ARHGEF38: variants seen among roughly 807,000 people sequenced by gnomAD.
ARHGEF38 encodes the protein Rho guanine nucleotide exchange factor 38.
A neutral mutation model predicts 79.9 loss-of-function variants in ARHGEF38; 79 were observed. The ratio of observed to expected loss-of-function variants is 0.99; its 90% CI spans 0.82 to 1.19. The LOEUF (loss-of-function observed/expected upper bound fraction) is 1.19. Ranked by LOEUF, ARHGEF38 falls within the 50% of genes most tolerant of loss-of-function variation. The probability of loss-of-function intolerance (pLI) is 0.00; values close to 1 mark genes in which losing one functional copy is unlikely to be tolerated. For synonymous variants in ARHGEF38, 366 were observed against 328.3 expected (o/e 1.11, Z -1.24); for missense variants, 962 against 907.2 (o/e 1.06, Z -0.78).
At chr4:105,584,649 C>T (rs1261104751) in intron 1 of ARHGEF38, among the ~76,000 whole-genome samples, 1 of 152,142 alleles carries the variant, frequency 6.6e-6, no homozygotes, top group Non-Finnish European at 1.5e-5. Context: ...CTATGTCTAT[C>T]TATCTATAGC....
chr4:105,561,479 A>AGAATAGAATGGAATG (rs1560684623), intron 1 of ARHGEF38: 28 of 53,372 alleles, frequency 5.2e-4, no homozygotes, highest in African/African-American at 2.0e-3. Context: ...AGAATAGAAT[A>AGAATAGAATGGAATG]GAATAGAATA....
chr4:105,636,996 T>C (rs764932348), intron 5 of ARHGEF38, among the ~76,000 whole-genome samples: 1 of 152,110 alleles, frequency 6.6e-6, no homozygotes, highest in African/African-American at 2.4e-5. Flanking sequence ...AAGAGGTCCA[T>C]TATTCTAGAA....
chr4:105,639,670 T>G (rs1314245992), intron 5 of ARHGEF38, among the ~76,000 whole-genome samples: 1 of 152,078 alleles, frequency 6.6e-6, no homozygotes, highest in African/African-American at 2.4e-5. Flanking sequence ...AAATTTACCA[T>G]GTACTCTATT....
At chr4:105,613,533 T>C in intron 3 of ARHGEF38, 26 bp downstream of exon 3, 1 of 1,608,684 alleles carries the variant, frequency 6.2e-7, no homozygotes, top group Non-Finnish European at 8.5e-7. Context: ...TCTCGAGTTC[T>C]ACAATACAAC....
chr4:105,641,458 A>C (rs1729612408), intron 5 of ARHGEF38, among the ~76,000 whole-genome samples: 1 of 151,934 alleles, frequency 6.6e-6, no homozygotes, highest in Non-Finnish European at 1.5e-5. Context: ...ATTATCTTTT[A>C]TTTATGACAA....
chr4:105,630,432 C>CG (rs1024928719), intron 3 of ARHGEF38, among the ~76,000 whole-genome samples: 8 of 151,960 alleles, frequency 5.3e-5, no homozygotes, highest in Admixed American at 2.0e-4. Flanking sequence ...TTAGTAGAGA[C>CG]GGGGTTTCAC....
At chr4:105,616,645 C>T (rs1728522295) in intron 3 of ARHGEF38, among the ~76,000 whole-genome samples, 1 of 152,072 alleles carries the variant, frequency 6.6e-6, no homozygotes, top group Non-Finnish European at 1.5e-5. Context: ...GGACACAGAG[C>T]CAAACCATAT....
At chr4:105,676,632 T>C (rs192281336) in intron 13 of ARHGEF38, among the ~76,000 whole-genome samples, 1 of 152,332 alleles carries the variant, frequency 6.6e-6, no homozygotes, top group Admixed American at 6.5e-5. Flanking sequence ...TAAAGACTTA[T>C]TTTGGGGCTT....
chr4:105,613,726 C>G (rs1209308040), intron 3 of ARHGEF38, among the ~76,000 whole-genome samples: 1 of 151,920 alleles, frequency 6.6e-6, no homozygotes, highest in Non-Finnish European at 1.5e-5. Flanking sequence ...ACAAAACATA[C>G]CATTTGCTTT....
Position 105,667,311 on chromosome 4 carries a change from G to T in ARHGEF38, c.1872G>T (p.Trp624Cys), listed in dbSNP as rs1560759981. The T allele has an allele frequency of 1.6e-5, 24 of 1,535,942 alleles. No individual in the cohort carries two copies. The highest frequency in any genetic ancestry group is 2.1e-5 in the Non-Finnish European group (24 of 1,146,842). The part of the protein sequence containing the change: ...QKDPLGSTSR[W>C]LVDTGNVKGY... Reference sequence around the variant, plus strand: ...ATCCACTGGGGAGTACAAGCAGGTGGCTTGTGGACACAGGAAGTAAGTTTT... The same window carrying T: ...ATCCACTGGGGAGTACAAGCAGGTGTCTTGTGGACACAGGAAGTAAGTTTT... Residue 624 changes from tryptophan (W) to cysteine (C), a missense_variant, in exon 12 of 14, where the codon TGG (tryptophan) becomes TGT (cysteine). Trp to Cys is a radical substitution (Grantham distance 215). Transcript: ENST00000420470.
At chr4:105,605,180 A>G (rs1727987503) in intron 2 of ARHGEF38, among the ~76,000 whole-genome samples, 1 of 152,194 alleles carries the variant, frequency 6.6e-6, no homozygotes, top group South Asian at 2.1e-4. Context: ...AAACAAAGGC[A>G]GAGACCTTTA....
intron 1 of ARHGEF38, among the ~76,000 whole-genome samples, chr4:105,565,007 C>T (rs1177765986): frequency 6.6e-6 from 1 of 152,210 alleles, no homozygotes; most frequent in African/African-American, 2.4e-5. Flanking sequence ...TATTTAACTC[C>T]TCATTGCTCT....
At chr4:105,656,912 A>G (rs1330454193) in intron 9 of ARHGEF38, among the ~76,000 whole-genome samples, 3 of 152,128 alleles carry the variant, frequency 2.0e-5, no homozygotes, top group African/African-American at 7.2e-5. Flanking sequence ...GCACTGGGGA[A>G]TGGAAAGTCA....
intron 1 of ARHGEF38, among the ~76,000 whole-genome samples, chr4:105,558,768 C>G (rs1449341339): frequency 6.6e-6 from 1 of 151,292 alleles, no homozygotes; most frequent in Non-Finnish European, 1.5e-5. Context: ...ACCGATATGA[C>G]TTTAGGTATA....
chr4:105,573,767 T>A (rs1305266619), intron 1 of ARHGEF38, among the ~76,000 whole-genome samples: 2 of 151,910 alleles, frequency 1.3e-5, no homozygotes, highest in African/African-American at 2.4e-5. Context: ...CAAAAAAAAA[T>A]TGGAATTTTG....
intron 1 of ARHGEF38, among the ~76,000 whole-genome samples, chr4:105,577,738 A>G (rs1726575690): frequency 6.6e-6 from 1 of 152,062 alleles, no homozygotes; most frequent in Non-Finnish European, 1.5e-5. Context: ...AGTACTCTCA[A>G]ATGATCATTT....
In ARHGEF38 at chr4:105,679,295, T is replaced by A; in HGVS notation, c.*1358T>A. 1.3e-6 allele frequency: 1 copy of A among 743,368 alleles called. No homozygotes were observed. The highest frequency in any genetic ancestry group is 1.6e-5 in the South Asian group (1 of 61,302). 46.0% of individuals were successfully genotyped at this position (743,368 alleles called of 1,614,324 possible). ...CACTGAGAGTATCCAGCCGGAATCA[T>A]GCCACTTTGCCTGTAACCTTTGACT... On this transcript the variant is annotated 3_prime_UTR_variant, in exon 14 of 14. Transcript: ENST00000420470.
rs1729952312 is a variant in ARHGEF38, at chr4:105,648,563, A to G, written c.889A>G (p.Lys297Glu). Residue 297 changes from lysine (K) to glutamate (E), a missense_variant, in exon 7 of 14, where the codon AAG (lysine) becomes GAG (glutamate). Transcript: ENST00000420470. The stretch of plus-strand genomic sequence containing the variant: ...TTCCTTTTCAGTTCTAAAATACAAG[A>G]AGAATGACGAGGATGAATCACTTAA... ...RRKDLVLKYK[K>E]NDEDESLKDK... is the part of the protein sequence containing the mutation. 1.3e-6 allele frequency: 2 copies of G among 1,516,198 alleles called. No individual in the cohort carries two copies. Among genetic ancestry groups the G allele is most frequent in the African/African-American group, 2.8e-5 (2 of 72,066 alleles). The allele number at this position is 1,516,198 out of a possible 1,614,324, so 93.9% of individuals were successfully genotyped here. A position where few individuals can be genotyped will look rare whatever the true frequency, so the allele number is the denominator to read the frequency against.
intron 1 of ARHGEF38, among the ~76,000 whole-genome samples, chr4:105,558,040 AT>A (rs1193828692): frequency 6.6e-6 from 1 of 152,060 alleles, no homozygotes; most frequent in Non-Finnish European, 1.5e-5. Context: ...GGTACCTTCT[AT>A]TTTTGCAAAG....
Sources: gnomAD v4.1 joint callset for allele counts (sites outside exome capture counted in the v4.1 genomes callset) on GRCh38, gnomAD v4.1.1 for gene constraint, MANE v1.5 for transcripts, NCBI Gene and HGNC (gene_info 2026-07-23, HGNC 2026-07-21) for gene names.